TRPM2: variants seen among roughly 807,000 people sequenced by gnomAD.
TRPM2 encodes the protein estrogen-responsive element-associated gene 1 protein.
Under a neutral mutation model 174.0 loss-of-function variants are expected in TRPM2, and 161 were observed. The ratio of observed to expected loss-of-function variants is 0.93; its 90% confidence interval spans 0.81 to 1.05. The LOEUF (loss-of-function observed/expected upper bound fraction) is 1.05, where lower values mean the gene tolerates loss of function less well. Ranked by LOEUF, TRPM2 falls within the 50% of genes least tolerant of loss-of-function variation. The pLI is 0.00. For missense variants in TRPM2, 2,057 were observed against 2,038.0 expected (o/e 1.01, Z -0.18); for synonymous variants, 954 against 861.3 (o/e 1.11, Z -1.88).
chr21:44,380,296 G>A (rs967663752), intron 8 of TRPM2, among the ~76,000 whole-genome samples: 2 of 152,204 alleles, frequency 1.3e-5, no homozygotes, highest in Non-Finnish European at 2.9e-5. Flanking sequence ...ACATGATGTA[G>A]CTGCAAGCGT....
chr21:44,356,341 C>T (rs1265003652), intron 2 of TRPM2, among the ~76,000 whole-genome samples: 4 of 151,282 alleles, frequency 2.6e-5, no homozygotes, highest in Non-Finnish European at 5.9e-5. Context: ...GGTACTCCAG[C>T]CTCGGAGCTC....
chr21:44,413,648 C>T (rs574544124), intron 19 of TRPM2, among the ~76,000 whole-genome samples: 24 of 152,214 alleles, frequency 1.6e-4, no homozygotes, highest in African/African-American at 2.4e-4. Flanking sequence ...ACACCCTGGG[C>T]GGAGGCACGG....
At chr21:44,365,663 C>T (rs1415120592) in intron 3 of TRPM2, among the ~76,000 whole-genome samples, 1 of 152,168 alleles carries the variant, frequency 6.6e-6, no homozygotes, top group Non-Finnish European at 1.5e-5. Context: ...TGGCTGCATC[C>T]CTCCCCCAAC....
Position 44,382,088 on chromosome 21 carries a change from AGATG to A in TRPM2, c.1216-614_1216-611del, listed in dbSNP as rs201313893. 1.7e-4 allele frequency among the ~76,000 whole-genome samples: 25 copies of A among 151,348 alleles called. No homozygotes were observed. The East Asian group carries it at 4.1e-3, about 25-fold the overall frequency. ...TGGGTGTGTGTATGGATGGATGGAA[AGATG>A]GATGGATGGATGGATAGCTAGACAA... On this transcript the variant is annotated intron_variant, in intron 8 of 31. Coordinates refer to ENST00000397928, the MANE Select transcript of TRPM2 (RefSeq NM_003307.4).
rs1188008851 is a variant in TRPM2, at chr21:44,442,125, C to T, written c.*308C>T. 3 of 288,768 alleles carry T rather than the reference C, an allele frequency of 1.0e-5. No homozygotes were observed. Among genetic ancestry groups the T allele is most frequent in the African/African-American group, 4.3e-5 (2 of 46,136 alleles). The allele number at this position is 288,768 out of a possible 1,614,324, so 17.9% of individuals were successfully genotyped here. A position where few individuals can be genotyped will look rare whatever the true frequency, so the allele number is the denominator to read the frequency against. On this transcript the variant is annotated 3_prime_UTR_variant, in exon 32 of 32. Transcript: ENST00000397928. ...GTGCAGCTGGGCCCTTGGCCAGAGT[C>T]CACTCCCTTCCTGGCTGTGTCACCC...
At chr21:44,419,615 A>ATGT (rs757098367) in intron 22 of TRPM2, among the ~76,000 whole-genome samples, 2 of 2,458 alleles carry the variant, frequency 8.1e-4, no homozygotes, top group East Asian at 0.013. Flanking sequence ...GATGATGGTG[A>ATGT]TGTGGTGGTG....
At position 44,413,978 on chromosome 21, in the gene TRPM2, G is replaced by C. The variant is rs1355221447; in HGVS notation, c.3050G>C (p.Arg1017Thr). The change falls in exon 20 of 32, where the codon AGG becomes ACG. Residue 1017 changes from arginine to threonine, a missense_variant. Physicochemically the swap from Arg to Thr is moderately conservative, Grantham distance 71. Coordinates refer to ENST00000397928, the MANE Select transcript of TRPM2 (RefSeq NM_003307.4). ...KCPESDATQQ[R>T]PAFPEWLTVL... is the part of the protein sequence containing the mutation. ...CCCGAGAGCGACGCGACGCAGCAGA[G>C]GCCGGCCTTCCCTGAGTGGCTGACG... 3 of 1,613,824 alleles carry C rather than the reference G, an allele frequency of 1.9e-6. No homozygotes were observed. Among genetic ancestry groups the C allele is most frequent in the Non-Finnish European group, 2.5e-6 (3 of 1,180,034 alleles).
At chr21:44,420,915 A>G (rs1487516963) in intron 22 of TRPM2, among the ~76,000 whole-genome samples, 1 of 152,190 alleles carries the variant, frequency 6.6e-6, no homozygotes, top group Non-Finnish European at 1.5e-5. Context: ...GAGGCCCAGG[A>G]AAGTGAGAGA....
chr21:44,426,075 C>G (rs532628606), intron 25 of TRPM2, among the ~76,000 whole-genome samples: 1 of 152,140 alleles, frequency 6.6e-6, no homozygotes, highest in South Asian at 2.1e-4. Flanking sequence ...CCACAGAGCT[C>G]GAGGCTTAGG....
At chr21:44,358,495 C>T (rs1321047575) in intron 2 of TRPM2, among the ~76,000 whole-genome samples, 1 of 152,174 alleles carries the variant, frequency 6.6e-6, no homozygotes, top group Non-Finnish European at 1.5e-5. Context: ...GGCCGAGTTC[C>T]GAGCGAGCTC....
At chr21:44,370,460 A>G (rs1350481586) in intron 5 of TRPM2, among the ~76,000 whole-genome samples, 1 of 152,178 alleles carries the variant, frequency 6.6e-6, no homozygotes, top group Non-Finnish European at 1.5e-5. Flanking sequence ...GAGTCATTCA[A>G]CCAGATTTTC....
chr21:44,413,892 T>A lies in TRPM2; in HGVS notation c.2964T>A (p.Gly988=), dbSNP rs766446744. The change falls in exon 20 of 32, where the codon GGT becomes GGA. Residue 988 remains glycine, a splice_region_variant and synonymous_variant. Coordinates refer to ENST00000397928, the MANE Select transcript of TRPM2 (RefSeq NM_003307.4). ...IFGQIPGYID[G]VNFNPEHCSP... ...ACCCACCCCCATTCCCAACGCCAGG[T>A]GTGAACTTCAACCCGGAGCACTGCA... 2 of 1,609,064 alleles carry A rather than the reference T, an allele frequency of 1.2e-6. No individual in the cohort carries two copies. The highest frequency in any genetic ancestry group is 1.1e-5 in the South Asian group (1 of 90,982).
chr21:44,391,601 G>C lies in TRPM2; in HGVS notation c.1770G>C (p.Leu590=). 1 of 1,582,580 alleles carries C rather than the reference G, an allele frequency of 6.3e-7. No individual in the cohort carries two copies. The highest frequency in any genetic ancestry group is 8.5e-7 in the Non-Finnish European group (1 of 1,170,994). ...PRHNDRLRLL[L]PVPHVKLNVQ... Reference sequence around the variant, plus strand: ...ACAACGACCGGCTGCGGCTCCTGCTGCCCGTTCCCCACGTCAAGCTCAACG... The same window carrying C: ...ACAACGACCGGCTGCGGCTCCTGCTCCCCGTTCCCCACGTCAAGCTCAACG... Residue 590 remains leucine, a synonymous_variant, in exon 11 of 32, where the codon CTG becomes CTC. Coordinates refer to ENST00000397928, the MANE Select transcript of TRPM2 (RefSeq NM_003307.4). The surrounding 1 kb of genome is among the most constrained non-coding windows in gnomAD (Gnocchi z 5.0).
At chr21:44,353,962 A>G in intron 1 of TRPM2, 97 bp downstream of exon 1, 1 of 1,452,430 alleles carries the variant, frequency 6.9e-7, no homozygotes, top group Non-Finnish European at 9.1e-7. Context: ...GGGGTGGGAA[A>G]GGGTCTGCTG....
intron 12 of TRPM2, 29 bp from the exon 13 acceptor site, chr21:44,397,718 A>C: frequency 6.5e-7 from 1 of 1,530,900 alleles, no homozygotes; most frequent in Non-Finnish European, 8.8e-7. Context: ...CTGGCTCTTT[A>C]GTCTCACGGT....
At chr21:44,363,570 G>C (rs2048276200) in intron 2 of TRPM2, among the ~76,000 whole-genome samples, 1 of 151,924 alleles carries the variant, frequency 6.6e-6, no homozygotes, top group South Asian at 2.1e-4. Flanking sequence ...TTTTTCATTT[G>C]TTTTGAGCAT....
At chr21:44,436,991 G>A in intron 28 of TRPM2, 71 bp from the exon 29 acceptor site, 1 of 1,415,012 alleles carries the variant, frequency 7.1e-7, no homozygotes, top group Non-Finnish European at 9.6e-7. Flanking sequence ...GGCAGGGCCA[G>A]CCCCGCCGCG....
intron 27 of TRPM2, among the ~76,000 whole-genome samples, chr21:44,430,335 G>T (rs2050977204): frequency 6.6e-6 from 1 of 151,994 alleles, no homozygotes; most frequent in African/African-American, 2.4e-5. Context: ...GTATGAGGTG[G>T]AGATAATTAT....
chr21:44,375,571 T>C (rs2048674124), intron 5 of TRPM2, among the ~76,000 whole-genome samples: 1 of 152,164 alleles, frequency 6.6e-6, no homozygotes, highest in African/African-American at 2.4e-5. Context: ...GCCTCTGTGG[T>C]CCCTCGGCCT....
Sources: gnomAD v4.1 joint callset for allele counts (sites outside exome capture counted in the v4.1 genomes callset) on GRCh38, gnomAD v4.1.1 for gene constraint, Gnocchi (gnomAD v3.1) non-coding constraint, MANE v1.5 for transcripts, NCBI Gene and HGNC (gene_info 2026-07-23, HGNC 2026-07-21) for gene names.